The following LYRM7 variants were observed in gnomAD, a reference collection of about 807,000 sequenced individuals.
LYRM7 encodes the protein LYR motif containing 7, also known as complex III assembly factor LYRM7.
Under a neutral mutation model 15.8 loss-of-function variants are expected in LYRM7, and 9 were observed. The ratio of observed to expected loss-of-function variants is 0.57; its 90% CI spans 0.34 to 0.99. The LOEUF (loss-of-function observed/expected upper bound fraction) is 0.99, where lower values mean the gene tolerates loss of function less well. Ranked by LOEUF, LYRM7 falls within the 50% of genes least tolerant of loss-of-function variation. LYRM7 has a pLI of 0.02. For missense variants in LYRM7, 115 were observed against 119.1 expected (o/e 0.97, Z 0.16); for synonymous variants, 39 against 39.4 (o/e 0.99, Z 0.04).
chr5:131,182,402 T>C (rs1755728912), intron 3 of LYRM7, 103 bp downstream of exon 3: 20 of 1,073,128 alleles, frequency 1.9e-5, no homozygotes, highest in Non-Finnish European at 2.5e-5. Context: ...CATTACTTGA[T>C]AGTTAAGGCC....
chr5:131,179,474 T>TTTTTTTTTTTTTTC (rs1755656398), intron 1 of LYRM7, among the ~76,000 whole-genome samples: 6 of 23,492 alleles, frequency 2.6e-4, no homozygotes, highest in Non-Finnish European at 7.8e-4. Context: ...TTTTTTTTTC[T>TTTTTTTTTTTTTTC]TTTTTTTTTT....
At position 131,205,391 on chromosome 5, in the gene LYRM7, A is replaced by G. The variant is rs903655407; in HGVS notation, c.*5790A>G. ...ATTCAGGTCTTTTAAGTTTTATTCCATTGTAAGAATAAACAAGTTTGTTCA... is the reference window on the plus strand; with the variant it reads ...ATTCAGGTCTTTTAAGTTTTATTCCGTTGTAAGAATAAACAAGTTTGTTCA... On this transcript the variant is annotated 3_prime_UTR_variant, in exon 5 of 5. Coordinates refer to ENST00000379380, the MANE Select transcript of LYRM7 (RefSeq NM_181705.4). 4 of 152,162 alleles carry G rather than the reference A, an allele frequency of 2.6e-5. No homozygotes were observed. The highest frequency in any genetic ancestry group is 9.7e-5 in the African/African-American group (4 of 41,434). The allele number at this position is 152,162 out of a possible 1,614,324, so 9.4% of individuals were successfully genotyped here.
At chr5:131,188,549 T>C (rs368664683) in intron 4 of LYRM7, among the ~76,000 whole-genome samples, 1 of 152,176 alleles carries the variant, frequency 6.6e-6, no homozygotes, top group African/African-American at 2.4e-5. Flanking sequence ...GATATTCTTT[T>C]TTATGAAGTG....
chr5:131,199,414 AG>A, intron 4 of LYRM7, 116 bp from the exon 5 acceptor site: 1 of 637,722 alleles, frequency 1.6e-6, no homozygotes, highest in Non-Finnish European at 2.5e-6. Flanking sequence ...TATCCCTGGA[AG>A]ATTTATCTTA....
intron 2 of LYRM7, among the ~76,000 whole-genome samples, chr5:131,181,388 AC>A (rs1755701882): frequency 1.0e-5 from 1 of 95,900 alleles, no homozygotes; most frequent in Non-Finnish European, 1.8e-5. Context: ...TATAATATAT[AC>A]ATATATATTA....
chr5:131,192,760 A>G (rs1358185595), intron 4 of LYRM7, among the ~76,000 whole-genome samples: 1 of 152,120 alleles, frequency 6.6e-6, no homozygotes, highest in African/African-American at 2.4e-5. Flanking sequence ...TACAAATCAT[A>G]ATTTTTTATT....
rs551029563 is a variant in LYRM7 at position 131,177,369 on chromosome 5, G to A, written c.19-2726G>A. 2.0e-5 allele frequency among the ~76,000 whole-genome samples: 3 copies of A among 152,108 alleles called. No homozygotes were observed. The East Asian group carries it at 5.8e-4, about 29-fold the overall frequency. On this transcript the variant is annotated intron_variant, in intron 1 of 4. Transcript: ENST00000379380. ...GGGTTCCCATGTCTTTTCCTTTTGT[G>A]ATTCATTTCCTTATTTTGGTGGAGG... is the stretch of plus-strand genomic sequence containing the variant.
chr5:131,183,872 A>G (rs1755750498), intron 3 of LYRM7, among the ~76,000 whole-genome samples: 1 of 152,206 alleles, frequency 6.6e-6, no homozygotes, highest in African/African-American at 2.4e-5. Context: ...TAAAATAACA[A>G]TTTTATTATA....
chr5:131,182,435 A>T lies in LYRM7; in HGVS notation c.162+136A>T, dbSNP rs1242197870. On this transcript the variant is annotated intron_variant, in intron 3 of 4. Coordinates refer to ENST00000379380, the MANE Select transcript of LYRM7 (RefSeq NM_181705.4). ...GCCATCACAACTGTAGATAACCTTCACTTATTTGGTATGGCTCACCTCCTC... is the reference window on the plus strand; with the variant it reads ...GCCATCACAACTGTAGATAACCTTCTCTTATTTGGTATGGCTCACCTCCTC... The T allele has an allele frequency of 4.7e-6, 4 of 856,830 alleles. No homozygotes were observed. The East Asian group carries it at 2.1e-4, about 45-fold the overall frequency. The allele number at this position is 856,830 out of a possible 1,614,324, so 53.1% of individuals were successfully genotyped here. A position where few individuals can be genotyped will look rare whatever the true frequency, so the allele number is the denominator to read the frequency against.
intron 1 of LYRM7, among the ~76,000 whole-genome samples, chr5:131,175,324 C>T (rs559341794): frequency 6.6e-6 from 1 of 151,680 alleles, no homozygotes; most frequent in Non-Finnish European, 1.5e-5. Flanking sequence ...CTCAGCCTCC[C>T]GAGTAGCTGG....
At chr5:131,179,961 A>G (rs774692772) in intron 1 of LYRM7, 134 bp from the exon 2 acceptor site, 20 of 597,298 alleles carry the variant, frequency 3.3e-5, no homozygotes, top group African/African-American at 3.3e-4. Flanking sequence ...TTTTGTAGAG[A>G]TGGGGGTCTC....
Position 131,182,308 on chromosome 5 carries a change from A to C in LYRM7, c.162+9A>C. On this transcript the variant is annotated intron_variant, in intron 3 of 4. Transcript: ENST00000379380. ...CTAAGAAAATAGAAGAGGTACAGTAATTTTTTCAATTATAGTAAAACTTAT... is the reference window on the plus strand; with the variant it reads ...CTAAGAAAATAGAAGAGGTACAGTACTTTTTTCAATTATAGTAAAACTTAT... The C allele has an allele frequency of 7.2e-7, 1 of 1,379,610 alleles. No individual in the cohort carries two copies. Among genetic ancestry groups the C allele is most frequent in the Non-Finnish European group, 9.7e-7 (1 of 1,026,282 alleles). 85.5% of individuals were successfully genotyped at this position (1,379,610 alleles called of 1,614,324 possible).
intron 4 of LYRM7, among the ~76,000 whole-genome samples, chr5:131,191,833 A>G (rs1755890199): frequency 6.6e-6 from 1 of 152,172 alleles, no homozygotes; most frequent in South Asian, 2.1e-4. Context: ...AAAACAGTAT[A>G]GAGGTTCCTC....
At chr5:131,181,294 A>AT (rs1221861213) in intron 2 of LYRM7, among the ~76,000 whole-genome samples, 192 of 16,294 alleles carry the variant, frequency 0.012, 10 homozygotes, top group African/African-American at 0.021. Context: ...AAAAAAAAAA[A>AT]AAAAAAAAAT....
intron 4 of LYRM7, among the ~76,000 whole-genome samples, chr5:131,197,455 A>G (rs1207709755): frequency 6.7e-6 from 1 of 149,850 alleles, no homozygotes; most frequent in African/African-American, 2.4e-5. Context: ...TAAGAGCACT[A>G]TTCTTAGTCA....
At chr5:131,196,029 A>G (rs1755957370) in intron 4 of LYRM7, among the ~76,000 whole-genome samples, 1 of 152,112 alleles carries the variant, frequency 6.6e-6, no homozygotes, top group East Asian at 1.9e-4. Flanking sequence ...ACAGATGGAA[A>G]GAAGGATTTA....
chr5:131,190,368 G>T (rs563145541), intron 4 of LYRM7, among the ~76,000 whole-genome samples: 1 of 151,874 alleles, frequency 6.6e-6, no homozygotes, highest in Admixed American at 6.6e-5. Flanking sequence ...GCTAATTTTT[G>T]TATTTTTAGT....
At chr5:131,197,365 A>G (rs1755982284) in intron 4 of LYRM7, among the ~76,000 whole-genome samples, 1 of 152,218 alleles carries the variant, frequency 6.6e-6, no homozygotes, top group Non-Finnish European at 1.5e-5. Flanking sequence ...TGGTAAAAGC[A>G]AGTGAGATAT....
Position 131,199,616 on chromosome 5 carries a change from A to G in LYRM7, c.*15A>G. ...AGAAGCAATGAGTTTTCTAGAATAC[A>G]ACAAGTCTTTGTACTTTTTAACTTT... is the stretch of plus-strand genomic sequence containing the variant. On this transcript the variant is annotated 3_prime_UTR_variant, in exon 5 of 5. Coordinates refer to ENST00000379380, the MANE Select transcript of LYRM7 (RefSeq NM_181705.4). 3.2e-6 allele frequency: 5 copies of G among 1,572,748 alleles called. No homozygotes were observed. The highest frequency in any genetic ancestry group is 1.2e-5 in the South Asian group (1 of 83,884).
Sources: gnomAD v4.1 joint callset for allele counts (sites outside exome capture counted in the v4.1 genomes callset) on GRCh38, gnomAD v4.1.1 for gene constraint, MANE v1.5 for transcripts, NCBI Gene and HGNC (gene_info 2026-07-23, HGNC 2026-07-21) for gene names.